JAZF1: variants seen among roughly 807,000 people sequenced by gnomAD.
The protein encoded by JAZF1 is JAZF zinc finger 1, also known as juxtaposed with another zinc finger protein 1.
Under a neutral mutation model 26.4 loss-of-function variants are expected in JAZF1, and 8 were observed. The observed-to-expected ratio is 0.30, with a 90% CI of 0.18 to 0.55. The LOEUF is 0.55. JAZF1 is among the 20% of genes least tolerant of loss of function. The pLI is 0.94. For missense variants in JAZF1, 199 were observed against 322.0 expected (o/e 0.62, Z 2.92); for synonymous variants, 126 against 122.3 (o/e 1.03, Z -0.20).
intron 1 of JAZF1, among the ~76,000 whole-genome samples, chr7:28,131,165 G>C (rs1332396020): frequency 1.3e-5 from 2 of 152,086 alleles, no homozygotes; most frequent in East Asian, 3.8e-4. Flanking sequence ...TCCCTTAGTA[G>C]TTTCTATGCC....
intron 2 of JAZF1, among the ~76,000 whole-genome samples, chr7:27,987,507 C>T (rs1173249650): frequency 6.6e-6 from 1 of 152,164 alleles, no homozygotes; most frequent in Non-Finnish European, 1.5e-5. Context: ...CGGCCAGCCA[C>T]CCAGTACGGG....
intron 3 of JAZF1, among the ~76,000 whole-genome samples, chr7:27,887,624 C>T (rs1287075912): frequency 1.3e-5 from 2 of 152,080 alleles, no homozygotes; most frequent in Non-Finnish European, 2.9e-5. Flanking sequence ...CCATGTTTGC[C>T]AGGCTGGTCT....
At position 28,180,572 on chromosome 7, in the gene JAZF1, T is replaced by C. The variant is rs773983445; in HGVS notation, c.6A>G (p.Thr2=). The C allele has an allele frequency of 6.2e-7, 1 of 1,600,646 alleles. No homozygotes were observed. Among genetic ancestry groups the C allele is most frequent in the Non-Finnish European group, 8.5e-7 (1 of 1,173,978 alleles). Residue 2 remains threonine, a synonymous_variant, in exon 1 of 5, where the codon ACA becomes ACG. Transcript: ENST00000283928. Reference sequence around the variant, plus strand: ...AGAAGAAGGAGGCGGCGGCGATGCCTGTCATGGTGCTACATCGAGAGCCCC... The same window carrying C: ...AGAAGAAGGAGGCGGCGGCGATGCCCGTCATGGTGCTACATCGAGAGCCCC... M[T]GIAAASFFSN... is the part of the protein sequence containing the mutation.
intron 1 of JAZF1, among the ~76,000 whole-genome samples, chr7:28,159,723 C>A (rs1783250440): frequency 1.3e-5 from 2 of 152,152 alleles, no homozygotes; most frequent in Non-Finnish European, 2.9e-5. Context: ...AGTCTTCAGC[C>A]TCCTTACCAA....
intron 1 of JAZF1, among the ~76,000 whole-genome samples, chr7:28,051,755 AT>A (rs1783621774): frequency 6.6e-6 from 1 of 152,234 alleles, no homozygotes; most frequent in Non-Finnish European, 1.5e-5. Context: ...AGTGCTATAA[AT>A]AACACAGTCC....
In JAZF1 at chr7:27,830,917, G is replaced by GTT. The variant is rs1331828452; in HGVS notation, c.*1881_*1882dup. The GTT allele has an allele frequency of 4.6e-6, 1 of 216,556 alleles. No individual in the cohort carries two copies. Among genetic ancestry groups the GTT allele is most frequent in the Admixed American group, 5.8e-5 (1 of 17,256 alleles). 13.4% of individuals were successfully genotyped at this position (216,556 alleles called of 1,614,324 possible). A position where few individuals can be genotyped will look rare whatever the true frequency, so the allele number is the denominator to read the frequency against. On this transcript the variant is annotated 3_prime_UTR_variant, in exon 5 of 5. Coordinates refer to ENST00000283928, the MANE Select transcript of JAZF1 (RefSeq NM_175061.4). ...CATGCACAATGACTATTTTATGACT[G>GTT]TTTAGCTGTTGAACTACTGATCCAG...
chr7:27,971,633 G>A (rs1359296504), intron 2 of JAZF1, among the ~76,000 whole-genome samples: 2 of 152,144 alleles, frequency 1.3e-5, no homozygotes, highest in Non-Finnish European at 2.9e-5. Flanking sequence ...AAGATTCATG[G>A]CCTTCTTAAT....
At chr7:28,146,036 C>A (rs1309665131) in intron 1 of JAZF1, among the ~76,000 whole-genome samples, 1 of 152,132 alleles carries the variant, frequency 6.6e-6, no homozygotes, top group Non-Finnish European at 1.5e-5. Flanking sequence ...AAGATAAGCC[C>A]CATGCTACTA....
intron 2 of JAZF1, among the ~76,000 whole-genome samples, chr7:27,912,964 T>G (rs1226956695): frequency 1.3e-5 from 2 of 152,160 alleles, no homozygotes; most frequent in Admixed American, 6.5e-5. Flanking sequence ...TGGCCTCATT[T>G]ACGCAATTAA....
intron 1 of JAZF1, among the ~76,000 whole-genome samples, chr7:28,163,817 C>T (rs1008472631): frequency 6.6e-6 from 1 of 152,184 alleles, no homozygotes; most frequent in Admixed American, 6.5e-5. Flanking sequence ...AAATTTTTAT[C>T]TCTGTACTAA....
At chr7:28,112,814 C>T (rs1474558285) in intron 1 of JAZF1, among the ~76,000 whole-genome samples, 4 of 152,138 alleles carry the variant, frequency 2.6e-5, no homozygotes, top group Non-Finnish European at 4.4e-5. Context: ...TAAGAGAAAG[C>T]AAACATCATA....
chr7:28,124,501 G>C (rs111924971), intron 1 of JAZF1, among the ~76,000 whole-genome samples: 1 of 152,064 alleles, frequency 6.6e-6, no homozygotes, highest in African/African-American at 2.4e-5. Context: ...CCCCAGTGCC[G>C]TCCTTTCATC....
chr7:27,854,002 T>C (rs1010088166), intron 3 of JAZF1, among the ~76,000 whole-genome samples: 1 of 152,126 alleles, frequency 6.6e-6, no homozygotes, highest in Non-Finnish European at 1.5e-5. Context: ...TGTGTGGGAG[T>C]CTAAGACTCT....
chr7:27,895,540 T>G (rs2128342088), intron 2 of JAZF1, 124 bp from the exon 3 acceptor site: 1 of 525,640 alleles, frequency 1.9e-6, no homozygotes, highest in South Asian at 3.8e-5. Context: ...TCAGTCCCAA[T>G]CTCAAAAACT....
chr7:27,985,576 A>G (rs986971890), intron 2 of JAZF1, among the ~76,000 whole-genome samples: 10 of 152,252 alleles, frequency 6.6e-5, no homozygotes, highest in African/African-American at 2.4e-4. Flanking sequence ...CAATAGAAAA[A>G]GAGGGAATCC....
At chr7:27,874,460 G>A (rs1783639048) in intron 3 of JAZF1, among the ~76,000 whole-genome samples, 1 of 152,130 alleles carries the variant, frequency 6.6e-6, no homozygotes, top group Non-Finnish European at 1.5e-5. Context: ...ACGAGAGCAG[G>A]AAGTGCCATA....
At chr7:27,899,887 C>T (rs1376260880) in intron 2 of JAZF1, among the ~76,000 whole-genome samples, 1 of 152,116 alleles carries the variant, frequency 6.6e-6, no homozygotes, top group East Asian at 1.9e-4. Context: ...CCTGGGGATG[C>T]TGTCATGGTT....
At chr7:27,979,807 T>A (rs1212236694) in intron 2 of JAZF1, among the ~76,000 whole-genome samples, 1 of 152,106 alleles carries the variant, frequency 6.6e-6, no homozygotes, top group African/African-American at 2.4e-5. Context: ...TTCTTTCCTA[T>A]CGATTGGAGA....
rs139856955 is a variant in JAZF1, at chr7:27,943,698, C to T, written c.188+48211G>A. On this transcript the variant is annotated intron_variant, in intron 2 of 4. Coordinates refer to ENST00000283928, the MANE Select transcript of JAZF1 (RefSeq NM_175061.4). ...CAGTCATCTCCCTCTCATGAGCATTCGCTGCTTTCCCATAAAGTGAGCATG... is the reference window on the plus strand; with the variant it reads ...CAGTCATCTCCCTCTCATGAGCATTTGCTGCTTTCCCATAAAGTGAGCATG... 6.6e-4 allele frequency among the ~76,000 whole-genome samples: 101 copies of T among 152,284 alleles called. 1 individual carries two copies. In the East Asian group the frequency reaches 0.015, roughly 23 times the overall value.
Sources: allele counts gnomAD v4.1 joint callset (sites outside exome capture counted in the v4.1 genomes callset), GRCh38; gene constraint gnomAD v4.1.1; transcripts MANE v1.5; gene names NCBI Gene and HGNC (gene_info 2026-07-23, HGNC 2026-07-21).